NDUFA10: variants seen among roughly 807,000 people sequenced by gnomAD.
NDUFA10 encodes the protein NADH dehydrogenase [ubiquinone] 1 alpha subcomplex subunit 10, mitochondrial.
In NDUFA10, 40 loss-of-function variants were observed where a neutral mutation model predicts 47.8. That is an observed-to-expected ratio of 0.84 (90% confidence interval 0.65 to 1.09). NDUFA10 has a LOEUF of 1.09. NDUFA10 is among the 50% of genes least tolerant of loss of function. The probability of loss-of-function intolerance (pLI) is 0.00; values close to 1 mark genes in which losing one functional copy is unlikely to be tolerated. For synonymous variants in NDUFA10, 183 were observed against 172.2 expected (o/e 1.06, Z -0.49); for missense variants, 413 against 451.1 (o/e 0.92, Z 0.76).
At chr2:239,907,471 T>C (rs1354188014) in intron 4 of NDUFA10, among the ~76,000 whole-genome samples, 1 of 152,150 alleles carries the variant, frequency 6.6e-6, no homozygotes, top group Non-Finnish European at 1.5e-5. Context: ...ACCTACAAAA[T>C]GGGAGAAAGT....
At position 239,958,896 on chromosome 2, in the gene NDUFA10, T is replaced by C. The variant is rs918110143; in HGVS notation, c.*2222A>G. 3 of 970,820 alleles carry C rather than the reference T, an allele frequency of 3.1e-6. No homozygotes were observed. Among genetic ancestry groups the C allele is most frequent in the Admixed American group, 1.2e-4 (2 of 16,242 alleles). The allele number at this position is 970,820 out of a possible 1,614,324, so 60.1% of individuals were successfully genotyped here. ...CTCCAAAGCACTGAGAAGTCCAACA[T>C]GGAATCCTGGAAAATGCACGATTAT... On this transcript the variant is annotated 3_prime_UTR_variant, in exon 10 of 10. Transcript: ENST00000252711.
intron 4 of NDUFA10, among the ~76,000 whole-genome samples, chr2:240,017,367 C>A (rs544225031): frequency 1.3e-5 from 2 of 152,154 alleles, no homozygotes; most frequent in Non-Finnish European, 2.9e-5. Flanking sequence ...CATCCCCACA[C>A]GTCCCTCACT....
chr2:239,995,338 A>G (rs934906074), intron 8 of NDUFA10, among the ~76,000 whole-genome samples: 2 of 152,190 alleles, frequency 1.3e-5, no homozygotes, highest in African/African-American at 4.8e-5. Context: ...GGAGCCAAGA[A>G]GACTGTGCCG....
At chr2:239,985,138 G>C (rs1255722924) in intron 9 of NDUFA10, among the ~76,000 whole-genome samples, 1 of 152,162 alleles carries the variant, frequency 6.6e-6, no homozygotes, top group Non-Finnish European at 1.5e-5. Flanking sequence ...AAACACCAAT[G>C]ATGAGGCCAC....
chr2:239,951,866 C>T (rs893440847), intron 4 of NDUFA10, among the ~76,000 whole-genome samples: 12 of 152,356 alleles, frequency 7.9e-5, no homozygotes, highest in Middle Eastern at 3.4e-3. Context: ...CCCTGGGCAG[C>T]GGGAAGGACA....
At chr2:240,018,718 A>G (rs1697476641) in intron 3 of NDUFA10, 79 bp from the exon 4 acceptor site, 2 of 1,371,944 alleles carry the variant, frequency 1.5e-6, no homozygotes, top group Admixed American at 1.9e-5. Context: ...CATTCCAGAG[A>G]AAAGAAAATA....
Position 239,960,833 on chromosome 2 carries a change from T to A in NDUFA10, c.*285A>T. ...GCGGCAGCGCTGAAACCACAGGGGC[T>A]GCCGAGAGCTGGCCTTTCACAGCAG... On this transcript the variant is annotated 3_prime_UTR_variant, in exon 10 of 10. Coordinates refer to ENST00000252711, the MANE Select transcript of NDUFA10 (RefSeq NM_004544.4). 3.7e-6 allele frequency: 5 copies of A among 1,335,974 alleles called. No homozygotes were observed. The highest frequency in any genetic ancestry group is 4.8e-6 in the Non-Finnish European group (5 of 1,034,686). 82.8% of individuals were successfully genotyped at this position (1,335,974 alleles called of 1,614,324 possible). A position where few individuals can be genotyped will look rare whatever the true frequency, so the allele number is the denominator to read the frequency against.
intron 9 of NDUFA10, among the ~76,000 whole-genome samples, chr2:239,967,991 C>CACACACACAT (rs1429946633): frequency 1.0e-4 from 15 of 150,562 alleles, no homozygotes; most frequent in Admixed American, 9.2e-4. Flanking sequence ...CACACACACA[C>CACACACACAT]ACACACACAC....
At chr2:240,005,694 T>G (rs1382413323) in intron 7 of NDUFA10, among the ~76,000 whole-genome samples, 1 of 145,160 alleles carries the variant, frequency 6.9e-6, no homozygotes, top group Non-Finnish European at 1.5e-5. Flanking sequence ...GCTATGAATA[T>G]TTGGCAGGAA....
At chr2:240,012,360 T>C (rs1232124334) in intron 5 of NDUFA10, 2 of 160,812 alleles carry the variant, frequency 1.2e-5, no homozygotes, top group African/African-American at 4.8e-5. Context: ...TTTATCTCCT[T>C]GCTTGCTGTA....
chr2:239,917,871 T>C (rs1198196952), intron 4 of NDUFA10, among the ~76,000 whole-genome samples: 1 of 152,210 alleles, frequency 6.6e-6, no homozygotes, highest in East Asian at 1.9e-4. Flanking sequence ...AGAGCCCCTC[T>C]GGGAAGATGG....
At position 240,021,556 on chromosome 2, in the gene NDUFA10, C is replaced by A. The variant is rs746205103; in HGVS notation, c.245-144G>T. On this transcript the variant is annotated intron_variant, in intron 2 of 9. Transcript: ENST00000252711. The stretch of plus-strand genomic sequence containing the variant: ...TGACCTAGAGAAAGTCACCTACATG[C>A]CTGGGTTTCATCACGTATGAAGGGA... The A allele has an allele frequency of 8.0e-4, 593 of 744,618 alleles. 1 individual carries two copies. The highest frequency in any genetic ancestry group is 1.1e-3 in the Non-Finnish European group (448 of 425,916). 46.1% of individuals were successfully genotyped at this position (744,618 alleles called of 1,614,324 possible). A position where few individuals can be genotyped will look rare whatever the true frequency, so the allele number is the denominator to read the frequency against.
At chr2:240,022,077 A>T in intron 2 of NDUFA10, 95 bp downstream of exon 2, 1 of 972,154 alleles carries the variant, frequency 1.0e-6, no homozygotes, top group South Asian at 3.2e-5. Flanking sequence ...TTAAATATTT[A>T]ATATTATTTA....
Position 239,916,415 on chromosome 2 carries a change from C to T in NDUFA10, c.295-21101G>A, listed in dbSNP as rs528336127. 1.4e-3 allele frequency among the ~76,000 whole-genome samples: 207 copies of T among 151,894 alleles called. 1 individual carries two copies. The highest frequency in any genetic ancestry group is 4.6e-3 in the African/African-American group (191 of 41,370). On this transcript the variant is annotated intron_variant, in intron 4 of 5. Transcript: ENST00000419408. Reference sequence around the variant, plus strand: ...ACACACATACAAACACACACAGTAGCGCACACACACAGACACAGACACAGC... The same window carrying T: ...ACACACATACAAACACACACAGTAGTGCACACACACAGACACAGACACAGC...
intron 9 of NDUFA10, among the ~76,000 whole-genome samples, chr2:239,962,116 C>T (rs954401726): frequency 2.2e-4 from 33 of 152,138 alleles, no homozygotes; most frequent in African/African-American, 7.7e-4. Flanking sequence ...GGAGAAAGCG[C>T]TCAGCACGGT....
intron 8 of NDUFA10, among the ~76,000 whole-genome samples, chr2:240,004,271 C>A (rs1574875333): frequency 6.6e-6 from 1 of 152,284 alleles, no homozygotes; most frequent in Non-Finnish European, 1.5e-5. Context: ...AGGCCGTCTC[C>A]TTGGCAGGAG....
intron 4 of NDUFA10, among the ~76,000 whole-genome samples, chr2:239,926,392 A>G (rs1318429561): frequency 1.3e-5 from 2 of 152,232 alleles, no homozygotes; most frequent in African/African-American, 4.8e-5. Context: ...ATGAAGCTGA[A>G]GAAATCCTAT....
At chr2:239,919,607 G>A (rs555067753) in intron 4 of NDUFA10, among the ~76,000 whole-genome samples, 3 of 152,186 alleles carry the variant, frequency 2.0e-5, no homozygotes, top group Non-Finnish European at 4.4e-5. Flanking sequence ...CTGGGTGTGG[G>A]GTTATGGGTG....
chr2:239,972,380 T>C (rs1467037125), intron 9 of NDUFA10, among the ~76,000 whole-genome samples: 4 of 152,168 alleles, frequency 2.6e-5, no homozygotes, highest in Non-Finnish European at 5.9e-5. Flanking sequence ...CCCCTCTCTC[T>C]AGATGCACTA....
Sources: gnomAD v4.1 joint callset for allele counts (sites outside exome capture counted in the v4.1 genomes callset) on GRCh38, gnomAD v4.1.1 for gene constraint, MANE v1.5 for transcripts, NCBI Gene and HGNC (gene_info 2026-07-23, HGNC 2026-07-21) for gene names.